The following CUX1 variants were observed in gnomAD, a reference collection of about 807,000 sequenced individuals.
CUX1 encodes the protein cut like homeobox 1, also known as protein CASP.
CUX1 carries 31 observed loss-of-function variants against 158.8 expected under a neutral mutation model. The observed-to-expected ratio is 0.20, with a 90% CI of 0.15 to 0.26. CUX1 has a LOEUF of 0.26. Among genes scored for constraint, CUX1 ranks in the 10% least tolerant of loss-of-function variants. The pLI is 1.00. For missense variants in CUX1, 1,589 were observed against 2,014.6 expected (o/e 0.79, Z 4.04); for synonymous variants, 879 against 862.1 (o/e 1.02, Z -0.34).
intron 2 of CUX1, among the ~76,000 whole-genome samples, chr7:101,946,315 G>T (rs1808364872): frequency 6.6e-6 from 1 of 152,142 alleles, no homozygotes; most frequent in Non-Finnish European, 1.5e-5. Flanking sequence ...AAGGCATGTG[G>T]ATCACCTGAG....
At chr7:101,864,136 C>T (rs1381039332) in intron 1 of CUX1, among the ~76,000 whole-genome samples, 1 of 151,656 alleles carries the variant, frequency 6.6e-6, no homozygotes, top group Admixed American at 6.6e-5. Context: ...TCTCCACAGC[C>T]TCGCCAGCAT....
At chr7:101,984,103 T>TATATATATATATATATACATAC (rs1813899856) in intron 2 of CUX1, among the ~76,000 whole-genome samples, 1 of 24,844 alleles carries the variant, frequency 4.0e-5, no homozygotes, top group African/African-American at 1.5e-4. Flanking sequence ...TATATATATA[T>TATATATATATATATATACATAC]ATATATATAT....
intron 3 of CUX1, among the ~76,000 whole-genome samples, chr7:102,057,462 G>A (rs771577384): frequency 6.6e-6 from 1 of 152,180 alleles, no homozygotes; most frequent in Non-Finnish European, 1.5e-5. Flanking sequence ...CTGGAAAGGA[G>A]TCACCATTTT....
chr7:101,943,884 G>A (rs1007214933), intron 2 of CUX1, among the ~76,000 whole-genome samples: 9 of 151,166 alleles, frequency 6.0e-5, no homozygotes, highest in Admixed American at 4.6e-4. Flanking sequence ...TACAGAGGCC[G>A]AGGTGGGAGG....
At chr7:102,132,341 C>A (rs1188005550) in intron 8 of CUX1, among the ~76,000 whole-genome samples, 1 of 151,484 alleles carries the variant, frequency 6.6e-6, no homozygotes, top group Non-Finnish European at 1.5e-5. Flanking sequence ...CGCACACACG[C>A]ATCTTTACAG....
intron 2 of CUX1, among the ~76,000 whole-genome samples, chr7:101,953,639 GAGGAAT>G (rs1432483158): frequency 2.0e-5 from 3 of 152,190 alleles, no homozygotes; most frequent in African/African-American, 7.2e-5. Context: ...ATTAAAGGCG[GAGGAAT>G]AAGATGTTCT....
At chr7:102,117,583 C>T (rs1046252441) in intron 8 of CUX1, among the ~76,000 whole-genome samples, 1 of 152,004 alleles carries the variant, frequency 6.6e-6, no homozygotes, top group African/African-American at 2.4e-5. Flanking sequence ...GAAGAGGGAC[C>T]CAGGGCAGCG....
chr7:101,944,601 A>C (rs1217395409), intron 2 of CUX1, among the ~76,000 whole-genome samples: 1 of 152,140 alleles, frequency 6.6e-6, no homozygotes, highest in African/African-American at 2.4e-5. Flanking sequence ...GCATTTCTCA[A>C]ATCAAACCCA....
At chr7:102,118,284 T>G (rs1831645374) in intron 8 of CUX1, among the ~76,000 whole-genome samples, 1 of 152,186 alleles carries the variant, frequency 6.6e-6, no homozygotes, top group Non-Finnish European at 1.5e-5. Flanking sequence ...ACACCTGTAA[T>G]CCCAGCACTT....
intron 1 of CUX1, among the ~76,000 whole-genome samples, chr7:101,862,083 C>T (rs1486519487): frequency 6.6e-6 from 1 of 152,220 alleles, no homozygotes; most frequent in East Asian, 1.9e-4. Flanking sequence ...GATTCGCCCA[C>T]CTTGGCCTCC....
At chr7:101,895,739 C>T (rs1801393875) in intron 1 of CUX1, among the ~76,000 whole-genome samples, 1 of 152,118 alleles carries the variant, frequency 6.6e-6, no homozygotes. Context: ...CAACCTTGCC[C>T]TCCAAAAGAA....
chr7:101,884,093 C>G (rs1390071952), intron 1 of CUX1, among the ~76,000 whole-genome samples: 5 of 151,418 alleles, frequency 3.3e-5, no homozygotes, highest in Non-Finnish European at 7.4e-5. Flanking sequence ...GGGGGTCTCG[C>G]TGACTTGCCC....
chr7:102,009,697 C>T (rs1381387919), intron 2 of CUX1, among the ~76,000 whole-genome samples: 1 of 152,240 alleles, frequency 6.6e-6, no homozygotes, highest in Non-Finnish European at 1.5e-5. Context: ...CCTTCTCTCT[C>T]CTTACAGAAT....
intron 1 of CUX1, among the ~76,000 whole-genome samples, chr7:101,909,534 C>T (rs898311846): frequency 3.9e-5 from 6 of 152,220 alleles, no homozygotes; most frequent in African/African-American, 1.4e-4. Context: ...TAGGACCTTC[C>T]TGTGCAGGAA....
chr7:101,935,718 C>A (rs190618082), intron 2 of CUX1, among the ~76,000 whole-genome samples: 2 of 152,154 alleles, frequency 1.3e-5, no homozygotes, highest in South Asian at 4.1e-4. Flanking sequence ...GGGGCTGTCA[C>A]GAGGCGTGAG....
At chr7:102,155,704 A>G (rs989249901) in intron 8 of CUX1, among the ~76,000 whole-genome samples, 1 of 152,226 alleles carries the variant, frequency 6.6e-6, no homozygotes, top group Admixed American at 6.5e-5. Context: ...CTTTTCTGAT[A>G]TGTTTTAAGA....
In CUX1 at chr7:102,196,894, A is replaced by C; in HGVS notation, c.1483A>C (p.Lys495Gln). 6.2e-7 allele frequency: 1 copy of C among 1,614,176 alleles called. No individual in the cohort carries two copies. The highest frequency in any genetic ancestry group is 8.5e-7 in the Non-Finnish European group (1 of 1,180,036). Residue 495 changes from lysine (K) to glutamine (Q), a missense_variant, in exon 15 of 24, where the codon AAG becomes CAG. Physicochemically the swap from Lys to Gln is moderately conservative, Grantham distance 53 (BLOSUM62 1). This residue lies in a region of CUX1 where 515 missense variants were observed against 574.4 expected (regional missense o/e 0.90). Coordinates refer to ENST00000292535, the MANE Select transcript of CUX1 (RefSeq NM_181552.4). ...GCAGCTAATGCAGTCCTTCTACTCC[A>C]AGGCTATGCAGGAAGCCGGAAGCAC... ...QRQLMQSFYSKAMQEAGSTSM... is the reference protein window; with the variant it reads ...QRQLMQSFYSQAMQEAGSTSM...
At chr7:101,918,847 A>G (rs1033749630) in intron 2 of CUX1, among the ~76,000 whole-genome samples, 1 of 152,098 alleles carries the variant, frequency 6.6e-6, no homozygotes, top group Non-Finnish European at 1.5e-5. Context: ...CAGTGTCACA[A>G]TCTCGGCTCA....
intron 2 of CUX1, among the ~76,000 whole-genome samples, chr7:101,937,803 G>A (rs755216544): frequency 1.3e-5 from 2 of 152,210 alleles, no homozygotes. Context: ...GAGAGCCACC[G>A]CGCCCAGCCT....
Sources: allele counts gnomAD v4.1 joint callset (sites outside exome capture counted in the v4.1 genomes callset), GRCh38; gene constraint gnomAD v4.1.1; regional missense constraint gnomAD v4.1.1; transcripts MANE v1.5; gene names NCBI Gene and HGNC (gene_info 2026-07-23, HGNC 2026-07-21).